Variants in ZBBX observed in about 807,000 individuals in gnomAD.
The protein encoded by ZBBX is zinc finger B-box domain containing.
Under a neutral mutation model 108.5 loss-of-function variants are expected in ZBBX, and 101 were observed. That is an observed-to-expected ratio of 0.93 (90% CI 0.79 to 1.10). ZBBX has a LOEUF of 1.10. Among genes scored for constraint, ZBBX ranks in the 50% least tolerant of loss-of-function variants. The probability of loss-of-function intolerance (pLI) is 0.00; values close to 1 mark genes in which losing one functional copy is unlikely to be tolerated. For synonymous variants in ZBBX, 356 were observed against 323.4 expected (o/e 1.10, Z -1.08); for missense variants, 1,009 against 941.4 (o/e 1.07, Z -0.94).
chr3:167,341,472 A>T (rs1234226442), intron 9 of ZBBX, among the ~76,000 whole-genome samples: 1 of 151,906 alleles, frequency 6.6e-6, no homozygotes, highest in Non-Finnish European at 1.5e-5. Context: ...TTGTCAAAAA[A>T]GTTTAAAGCA....
intron 12 of ZBBX, among the ~76,000 whole-genome samples, chr3:167,318,039 A>T (rs1392378944): frequency 6.6e-6 from 1 of 151,984 alleles, no homozygotes; most frequent in African/African-American, 2.4e-5. Context: ...GGGTGGTAAC[A>T]TAGGCTCCTA....
chr3:167,384,703 T>C (rs993129978), upstream of ZBBX, among the ~76,000 whole-genome samples: 1 of 152,056 alleles, frequency 6.6e-6, no homozygotes, highest in African/African-American at 2.4e-5. Context: ...ATTCCTAAAA[T>C]AGACCAATAT....
the ZBBX span, among the ~76,000 whole-genome samples, chr3:167,182,840 C>A: frequency 9.2e-5 from 14 of 152,228 alleles, no homozygotes; most frequent in South Asian, 2.3e-3. Flanking sequence ...TGTTTAAATT[C>A]TTTGAGTAAT....
At chr3:167,311,404 T>A (rs1482165201) in intron 16 of ZBBX, among the ~76,000 whole-genome samples, 1 of 152,202 alleles carries the variant, frequency 6.6e-6, no homozygotes, top group East Asian at 1.9e-4. Flanking sequence ...GACAATAACT[T>A]TCTAGATACA....
intron 9 of ZBBX, among the ~76,000 whole-genome samples, chr3:167,339,502 G>A (rs1740160934): frequency 6.6e-6 from 1 of 152,126 alleles, no homozygotes; most frequent in East Asian, 1.9e-4. Context: ...TCCTCAAGAA[G>A]TATGCATTAG....
chr3:167,404,102 G>T (rs1231990255), intron 1 of ZBBX, among the ~76,000 whole-genome samples: 1 of 152,008 alleles, frequency 6.6e-6, no homozygotes, highest in African/African-American at 2.4e-5. Context: ...TAGGTTGAAA[G>T]CAAACTCCTA....
At chr3:167,218,127 G>C in the ZBBX span, among the ~76,000 whole-genome samples, 1 of 152,030 alleles carries the variant, frequency 6.6e-6, no homozygotes, top group Non-Finnish European at 1.5e-5. Flanking sequence ...TGGGAGGAGG[G>C]AAAGGAGCAG....
intron 9 of ZBBX, among the ~76,000 whole-genome samples, chr3:167,336,381 T>C (rs1381713209): frequency 6.6e-6 from 1 of 152,152 alleles, no homozygotes; most frequent in Non-Finnish European, 1.5e-5. Context: ...ATCAATACAA[T>C]GCAAATAAAT....
chr3:167,297,081 T>C (rs1274572206), intron 18 of ZBBX, among the ~76,000 whole-genome samples: 3 of 152,012 alleles, frequency 2.0e-5, no homozygotes, highest in Non-Finnish European at 2.9e-5. Context: ...CCCTCACATA[T>C]ACAATCAAAT....
intron 19 of ZBBX, among the ~76,000 whole-genome samples, chr3:167,284,206 A>ATATATATATATAT (rs1560071526): frequency 2.7e-5 from 4 of 150,254 alleles, no homozygotes; most frequent in Non-Finnish European, 5.9e-5. Context: ...ATATATATAT[A>ATATATATATATAT]ATTATCCCTG....
At chr3:167,280,428 C>G (rs1728583000) in intron 20 of ZBBX, among the ~76,000 whole-genome samples, 1 of 150,856 alleles carries the variant, frequency 6.6e-6, no homozygotes, top group African/African-American at 2.4e-5. Flanking sequence ...ACAACCCCAT[C>G]AAAAAGTGGG....
chr3:167,344,284 T>C (rs1741063524), intron 9 of ZBBX, among the ~76,000 whole-genome samples: 1 of 151,872 alleles, frequency 6.6e-6, no homozygotes, highest in South Asian at 2.1e-4. Context: ...TAAAGTCAAT[T>C]ATGCTAATAG....
intron 10 of ZBBX, among the ~76,000 whole-genome samples, chr3:167,330,937 C>T (rs540046039): frequency 2.9e-5 from 3 of 101,864 alleles, no homozygotes; most frequent in Admixed American, 1.1e-4. Context: ...TCTCTCTCCT[C>T]TCTTTCTTTC....
intron 16 of ZBBX, among the ~76,000 whole-genome samples, chr3:167,308,931 G>A (rs779414677): frequency 2.0e-5 from 3 of 151,888 alleles, no homozygotes; most frequent in Admixed American, 6.6e-5. Flanking sequence ...AAAACTACAC[G>A]TGTGTCCCTG....
intron 20 of ZBBX, among the ~76,000 whole-genome samples, chr3:167,245,182 G>A (rs1300737282): frequency 6.6e-6 from 1 of 152,136 alleles, no homozygotes. Flanking sequence ...GGGAGGCCGA[G>A]GCGGGCGGAT....
At chr3:167,343,289 T>C (rs1740871717) in intron 9 of ZBBX, among the ~76,000 whole-genome samples, 1 of 151,832 alleles carries the variant, frequency 6.6e-6, no homozygotes, top group Non-Finnish European at 1.5e-5. Context: ...CCCTTTAAGG[T>C]TGATTCATGC....
Position 167,336,269 on chromosome 3 carries a change from AT to A in ZBBX, c.529-2285del, listed in dbSNP as rs922394954. 5.3e-5 allele frequency among the ~76,000 whole-genome samples: 8 copies of A among 152,126 alleles called. No individual in the cohort carries two copies. The East Asian group carries it at 1.2e-3, about 22-fold the overall frequency. ...GAATCAGAAATAGTGAAAAACCCAC[AT>A]TTTTTATGCTAAAAAATAAGATAAA... is the stretch of plus-strand genomic sequence containing the variant. On this transcript the variant is annotated intron_variant, in intron 9 of 21. Transcript: ENST00000675490.
chr3:167,368,320 C>T (rs1350214903), intron 5 of ZBBX, 141 bp downstream of exon 5: 5 of 600,086 alleles, frequency 8.3e-6, no homozygotes, highest in East Asian at 3.1e-5. Flanking sequence ...AAATAGAAGG[C>T]CTTTGCTATT....
chr3:167,269,792 C>T (rs1382632986), intron 20 of ZBBX, among the ~76,000 whole-genome samples: 1 of 152,184 alleles, frequency 6.6e-6, no homozygotes, highest in Non-Finnish European at 1.5e-5. Flanking sequence ...ACCCTGTTGT[C>T]CCTAACCCTT....
Sources: allele counts gnomAD v4.1 joint callset (sites outside exome capture counted in the v4.1 genomes callset), GRCh38; gene constraint gnomAD v4.1.1; transcripts MANE v1.5; gene names NCBI Gene and HGNC (gene_info 2026-07-23, HGNC 2026-07-21).